The following KLF13 variants were observed in gnomAD, a reference collection of about 807,000 sequenced individuals.
KLF13 encodes Krueppel-like factor 13.
A neutral mutation model predicts 16.7 loss-of-function variants in KLF13; 8 were observed. The observed-to-expected ratio is 0.48, with a 90% confidence interval of 0.28 to 0.87. The LOEUF is 0.87. KLF13 is among the 40% of genes least tolerant of loss of function. The probability of loss-of-function intolerance (pLI) is 0.10; values close to 1 mark genes in which losing one functional copy is unlikely to be tolerated. For synonymous variants in KLF13, 245 were observed against 208.4 expected (o/e 1.18, Z -1.51); for missense variants, 447 against 452.2 (o/e 0.99, Z 0.10).
chr15:31,412,132 C>T (rs550965891), intron 1 of KLF13, among the ~76,000 whole-genome samples: 3 of 152,286 alleles, frequency 2.0e-5, no homozygotes, highest in South Asian at 2.1e-4. Flanking sequence ...GTGGGATTAG[C>T]GCCCTTATAA....
downstream of KLF13, among the ~76,000 whole-genome samples, chr15:31,405,505 T>A (rs1595503545): frequency 6.6e-6 from 1 of 152,372 alleles, no homozygotes; most frequent in East Asian, 1.9e-4. Context: ...CTGCTGTTTA[T>A]AACCAACCCT....
At chr15:31,371,172 T>G (rs2039549780) in intron 1 of KLF13, among the ~76,000 whole-genome samples, 1 of 152,180 alleles carries the variant, frequency 6.6e-6, no homozygotes, top group Non-Finnish European at 1.5e-5. Context: ...ATTCAGAGTT[T>G]TGTGTGTTGA....
At chr15:31,339,823 G>A (rs1303288903) in intron 1 of KLF13, 5 of 639,236 alleles carry the variant, frequency 7.8e-6, no homozygotes, top group East Asian at 2.8e-5. Flanking sequence ...CCCGCCCCCC[G>A]CCTGCTGTCT....
chr15:31,380,196 G>A (rs1252984385), downstream of KLF13, among the ~76,000 whole-genome samples: 1 of 152,184 alleles, frequency 6.6e-6, no homozygotes, highest in Admixed American at 6.5e-5. Flanking sequence ...GGAGGCTGAG[G>A]CAGGAGAATC....
chr15:31,423,167 A>ATATATACGTATATATATG (rs1566848548), intron 1 of KLF13, among the ~76,000 whole-genome samples: 3 of 107,280 alleles, frequency 2.8e-5, no homozygotes, highest in Non-Finnish European at 5.1e-5. Context: ...ATATATATGT[A>ATATATACGTATATATATG]TATATATACA....
chr15:31,430,482 T>C (rs972200993), intron 1 of KLF13, among the ~76,000 whole-genome samples: 7 of 152,164 alleles, frequency 4.6e-5, no homozygotes, highest in Admixed American at 6.5e-5. Flanking sequence ...CATCACGACA[T>C]GTTGGAAGGC....
chr15:31,329,603 T>C (rs1240920200), intron 1 of KLF13, among the ~76,000 whole-genome samples: 6 of 152,086 alleles, frequency 3.9e-5, no homozygotes, highest in African/African-American at 1.4e-4. Context: ...CGCGCGAGCC[T>C]CTTGACTAGA....
intron 1 of KLF13, among the ~76,000 whole-genome samples, chr15:31,345,951 G>T (rs143064216): frequency 4.6e-4 from 70 of 152,248 alleles, no homozygotes; most frequent in African/African-American, 1.7e-3. Context: ...ACTGATGGGG[G>T]TTCTGGTTCT....
chr15:31,345,941 A>G (rs2039108588), intron 1 of KLF13, among the ~76,000 whole-genome samples: 1 of 152,036 alleles, frequency 6.6e-6, no homozygotes, highest in Admixed American at 6.5e-5. Flanking sequence ...GTTTGTAGGC[A>G]CTGATGGGGG....
chr15:31,359,879 G>C (rs2039355804), intron 1 of KLF13, among the ~76,000 whole-genome samples: 1 of 152,168 alleles, frequency 6.6e-6, no homozygotes, highest in Non-Finnish European at 1.5e-5. Flanking sequence ...CCTGGTTCCA[G>C]TAACCTTGGG....
intron 1 of KLF13, among the ~76,000 whole-genome samples, chr15:31,329,841 G>A (rs911083205): frequency 1.8e-4 from 27 of 152,238 alleles, no homozygotes; most frequent in East Asian, 9.6e-4. Context: ...CAAGTTGGAA[G>A]TGCACAGGGC....
chr15:31,386,980 A>G (rs1482467465), intron 1 of KLF13, among the ~76,000 whole-genome samples: 1 of 152,204 alleles, frequency 6.6e-6, no homozygotes, highest in Non-Finnish European at 1.5e-5. Flanking sequence ...TTCCGATGAA[A>G]CTTGAATGAA....
At chr15:31,417,142 C>G (rs2040264590) in intron 1 of KLF13, among the ~76,000 whole-genome samples, 1 of 152,148 alleles carries the variant, frequency 6.6e-6, no homozygotes. Context: ...AAGATGCTGA[C>G]CCCTTGATCT....
chr15:31,425,502 G>A (rs2040390002), intron 1 of KLF13, among the ~76,000 whole-genome samples: 1 of 152,170 alleles, frequency 6.6e-6, no homozygotes, highest in Non-Finnish European at 1.5e-5. Context: ...GTTTGAGGAA[G>A]GCAAGACCAT....
intron 1 of KLF13, among the ~76,000 whole-genome samples, chr15:31,387,733 T>C (rs1388588759): frequency 2.0e-5 from 3 of 152,258 alleles, no homozygotes; most frequent in Non-Finnish European, 2.9e-5. Context: ...GGTTCCTGCA[T>C]GTTATCAGGG....
At chr15:31,411,400 CTTT>C in intron 1 of KLF13, among the ~76,000 whole-genome samples, 1 of 138,134 alleles carries the variant, frequency 7.2e-6, no homozygotes. Context: ...TTTTTTTTTT[CTTT>C]TTTTTTTTTT....
chr15:31,346,635 T>C (rs1453670910), intron 1 of KLF13, among the ~76,000 whole-genome samples: 1 of 152,254 alleles, frequency 6.6e-6, no homozygotes, highest in Non-Finnish European at 1.5e-5. Context: ...GGCTGACTTC[T>C]GTGTCACACA....
intron 1 of KLF13, among the ~76,000 whole-genome samples, chr15:31,341,430 G>T (rs2039019909): frequency 6.6e-6 from 1 of 151,872 alleles, no homozygotes; most frequent in Non-Finnish European, 1.5e-5. Context: ...TTGTTCATGG[G>T]TACCTAAATG....
chr15:31,414,188 G>A (rs980771176), intron 1 of KLF13, among the ~76,000 whole-genome samples: 1 of 151,954 alleles, frequency 6.6e-6, no homozygotes, highest in Non-Finnish European at 1.5e-5. Context: ...ATATATGGTA[G>A]GCCCTAGAGC....
Sources: allele counts gnomAD v4.1 joint callset (sites outside exome capture counted in the v4.1 genomes callset), GRCh38; gene constraint gnomAD v4.1.1; transcripts MANE v1.5; gene names NCBI Gene and HGNC (gene_info 2026-07-23, HGNC 2026-07-21).